USH2A: variants seen among roughly 807,000 people sequenced by gnomAD.
USH2A encodes the protein Usher syndrome 2A (autosomal recessive, mild).
A neutral mutation model predicts 538.9 loss-of-function variants in USH2A; 443 were observed. The ratio of observed to expected loss-of-function variants is 0.82; its 90% CI spans 0.76 to 0.89. The LOEUF (loss-of-function observed/expected upper bound fraction) is 0.89, where lower values mean the gene tolerates loss of function less well. USH2A is among the 40% of genes least tolerant of loss of function. The pLI, the probability that USH2A is intolerant of heterozygous loss-of-function variation, is 0.00. For missense variants in USH2A, 6,633 were observed against 6,324.8 expected (o/e 1.05, Z -1.65); for synonymous variants, 2,413 against 2,273.5 (o/e 1.06, Z -1.75).
intron 20 of USH2A, among the ~76,000 whole-genome samples, chr1:216,184,540 T>C (rs921229147): frequency 5.3e-5 from 8 of 151,980 alleles, no homozygotes; most frequent in Non-Finnish European, 1.2e-4. Context: ...TGAGGGATTA[T>C]TGAAGACAGG....
At chr1:216,072,740 T>C (rs2031596854) in intron 29 of USH2A, 149 bp downstream of exon 29, 4 of 749,608 alleles carry the variant, frequency 5.3e-6, no homozygotes, top group South Asian at 1.5e-5. Context: ...ATTTTAGCCA[T>C]TGACAGATGT....
chr1:215,673,857 C>T (rs1390347391), intron 63 of USH2A, among the ~76,000 whole-genome samples: 1 of 152,164 alleles, frequency 6.6e-6, no homozygotes, highest in Non-Finnish European at 1.5e-5. Context: ...GGATGCATTG[C>T]AAACCTTTCT....
At chr1:216,326,391 T>C (rs1025973460) in intron 5 of USH2A, among the ~76,000 whole-genome samples, 2 of 151,730 alleles carry the variant, frequency 1.3e-5, no homozygotes, top group Non-Finnish European at 2.9e-5. Flanking sequence ...AGTGAAGGAG[T>C]CAGGCAGCTT....
chr1:216,299,023 T>C (rs912765519), intron 9 of USH2A, among the ~76,000 whole-genome samples: 6 of 152,064 alleles, frequency 3.9e-5, no homozygotes, highest in African/African-American at 9.7e-5. Context: ...TTTGTATTTT[T>C]AGTAGAGACG....
At chr1:216,168,214 T>C (rs924693340) in intron 21 of USH2A, among the ~76,000 whole-genome samples, 1 of 152,122 alleles carries the variant, frequency 6.6e-6, no homozygotes, top group African/African-American at 2.4e-5. Flanking sequence ...CCATTTAAGC[T>C]GAATGAAGGG....
intron 21 of USH2A, among the ~76,000 whole-genome samples, chr1:216,115,192 C>A (rs957795933): frequency 6.6e-6 from 1 of 151,996 alleles, no homozygotes; most frequent in Non-Finnish European, 1.5e-5. Flanking sequence ...AGTGTAGTGG[C>A]GTGATCATAG....
intron 21 of USH2A, among the ~76,000 whole-genome samples, chr1:216,127,434 T>A (rs1342287974): frequency 6.6e-6 from 1 of 152,178 alleles, no homozygotes; most frequent in African/African-American, 2.4e-5. Context: ...CATATATATG[T>A]ATCCATCGAG....
At position 215,879,002 on chromosome 1, in the gene USH2A, C is replaced by T. The variant is rs111033533; in HGVS notation, c.8320G>A (p.Ala2774Thr). ...PHITLTNVTSAVLSQKVTHLI... is the reference protein window; with the variant it reads ...PHITLTNVTSTVLSQKVTHLI... ...TGAGTAACTTTTTGACTTAACACTG[C>T]GGAAGTCACATTGGTTAAAGTGATG... The change falls in exon 42 of 72, where the codon GCA becomes ACA. Residue 2774 changes from alanine to threonine, a missense_variant. Coordinates refer to ENST00000307340, the MANE Select transcript of USH2A (RefSeq NM_206933.4). The T allele has an allele frequency of 7.0e-4, 1,136 of 1,613,972 alleles. 2 individuals are homozygous for T. The highest frequency in any genetic ancestry group is 7.9e-4 in the Non-Finnish European group (931 of 1,179,918).
chr1:216,310,551 G>A (rs966405880), intron 9 of USH2A, among the ~76,000 whole-genome samples: 1 of 150,722 alleles, frequency 6.6e-6, no homozygotes, highest in Non-Finnish European at 1.5e-5. Context: ...TTTTCTCCTC[G>A]ACCATATATT....
chr1:216,349,922 C>T (rs1470323784), intron 4 of USH2A, among the ~76,000 whole-genome samples: 1 of 152,002 alleles, frequency 6.6e-6, no homozygotes, highest in African/African-American at 2.4e-5. Context: ...TAAAGAAATA[C>T]CTGAGGCTGG....
At chr1:216,118,227 T>C (rs2033054495) in intron 21 of USH2A, among the ~76,000 whole-genome samples, 2 of 152,146 alleles carry the variant, frequency 1.3e-5, no homozygotes, top group Admixed American at 6.5e-5. Flanking sequence ...TATATAAGTA[T>C]TAGCTATTAT....
rs941537897 is a variant in USH2A at position 215,942,778 on chromosome 1, C to CA, written c.7121-7984dup. Among the ~76,000 whole-genome samples, 26 of 151,588 alleles carry CA rather than the reference C, an allele frequency of 1.7e-4. No homozygotes were observed. In the East Asian group the frequency reaches 2.7e-3, roughly 16 times the overall value. ...TGTTCCCAGAGGAAGGAGTATAAGC[C>CA]AAAAAAAATCCTCTCCAATATGTAG... On this transcript the variant is annotated intron_variant, in intron 37 of 71. Transcript: ENST00000307340.
At chr1:216,141,484 T>C (rs924014627) in intron 21 of USH2A, among the ~76,000 whole-genome samples, 2 of 152,198 alleles carry the variant, frequency 1.3e-5, no homozygotes, top group Non-Finnish European at 2.9e-5. Flanking sequence ...CTGGATTACT[T>C]TACACAATTT....
intron 21 of USH2A, among the ~76,000 whole-genome samples, chr1:216,104,148 T>C (rs1168929200): frequency 6.6e-6 from 1 of 152,094 alleles, no homozygotes; most frequent in African/African-American, 2.4e-5. Context: ...ATATGTGTCA[T>C]GTTGGTGTGC....
intron 15 of USH2A, among the ~76,000 whole-genome samples, chr1:216,214,988 A>G (rs907857696): frequency 4.6e-5 from 7 of 152,090 alleles, no homozygotes; most frequent in African/African-American, 1.7e-4. Flanking sequence ...CTTCCTATCA[A>G]GAAGAATGAC....
intron 38 of USH2A, among the ~76,000 whole-genome samples, chr1:215,912,485 ATATATG>A (rs1665823239): frequency 1.1e-4 from 3 of 27,994 alleles, no homozygotes; most frequent in African/African-American, 1.5e-4. Context: ...ACGTATATAT[ATATATG>A]TGTATATATA....
In USH2A at chr1:215,643,855, C is replaced by T. The variant is rs149235698; in HGVS notation, c.14792-3121G>A. 4.1e-4 allele frequency among the ~76,000 whole-genome samples: 62 copies of T among 152,102 alleles called. No homozygotes were observed. In the East Asian group the frequency reaches 0.01, roughly 25 times the overall value. ...ACAGGAAGAAAATCTTAAATCAGTTCACTTTGTTCTTCCAAGCATAAGAAA... is the reference window on the plus strand; with the variant it reads ...ACAGGAAGAAAATCTTAAATCAGTTTACTTTGTTCTTCCAAGCATAAGAAA... On this transcript the variant is annotated intron_variant, in intron 67 of 71. Coordinates refer to ENST00000307340, the MANE Select transcript of USH2A (RefSeq NM_206933.4).
At chr1:216,190,399 G>A in intron 19 of USH2A, 32 bp from the exon 20 acceptor site, 2 of 1,603,098 alleles carry the variant, frequency 1.2e-6, no homozygotes, top group Non-Finnish European at 1.7e-6. Context: ...AAGAAAGAAA[G>A]AAAGATAATA....
intron 11 of USH2A, among the ~76,000 whole-genome samples, chr1:216,273,224 TTGAAAA>T (rs1468756365): frequency 6.6e-6 from 1 of 151,968 alleles, no homozygotes; most frequent in Non-Finnish European, 1.5e-5. Flanking sequence ...GTGAGCCAAT[TTGAAAA>T]TGGGCGACTG....
Sources: allele counts gnomAD v4.1 joint callset (sites outside exome capture counted in the v4.1 genomes callset), GRCh38; gene constraint gnomAD v4.1.1; transcripts MANE v1.5; gene names NCBI Gene and HGNC (gene_info 2026-07-23, HGNC 2026-07-21).